MYO10: variants seen among roughly 807,000 people sequenced by gnomAD.
The protein encoded by MYO10 is myosin X.
A neutral mutation model predicts 257.3 loss-of-function variants in MYO10; 133 were observed. The ratio of observed to expected loss-of-function variants is 0.52; its 90% CI spans 0.45 to 0.60. The LOEUF (loss-of-function observed/expected upper bound fraction) is 0.60, where lower values mean the gene tolerates loss of function less well. MYO10 is among the 20% of genes least tolerant of loss of function. The probability of loss-of-function intolerance (pLI) is 0.00; values close to 1 mark genes in which losing one functional copy is unlikely to be tolerated. For synonymous variants in MYO10, 1,104 were observed against 1,028.6 expected (o/e 1.07, Z -1.40); for missense variants, 2,399 against 2,635.7 (o/e 0.91, Z 1.97).
intron 2 of MYO10, among the ~76,000 whole-genome samples, chr5:16,866,056 CACAA>C (rs1051273527): frequency 4.2e-5 from 6 of 144,328 alleles, no homozygotes; most frequent in African/African-American, 1.6e-4. Context: ...CACACACACA[CACAA>C]AACAATAGAG....
At chr5:16,716,951 A>C (rs527569485) in intron 19 of MYO10, among the ~76,000 whole-genome samples, 1 of 152,256 alleles carries the variant, frequency 6.6e-6, no homozygotes, top group African/African-American at 2.4e-5. Flanking sequence ...CTCCTGCCTG[A>C]GCCTCCCAAA....
At chr5:16,908,342 A>T (rs1284426096) in intron 1 of MYO10, among the ~76,000 whole-genome samples, 3 of 152,072 alleles carry the variant, frequency 2.0e-5, no homozygotes, top group Admixed American at 6.6e-5. Flanking sequence ...AGCCTGGCCA[A>T]TATGGTGAAA....
intron 2 of MYO10, among the ~76,000 whole-genome samples, chr5:16,855,422 T>C (rs1242915157): frequency 3.3e-5 from 5 of 152,164 alleles, no homozygotes; most frequent in Middle Eastern, 3.2e-3. Flanking sequence ...TATGACCTTT[T>C]GGTGGAGGGA....
chr5:16,763,873 A>T (rs1740792114), intron 12 of MYO10, 118 bp from the exon 13 acceptor site: 1 of 716,502 alleles, frequency 1.4e-6, no homozygotes, highest in Non-Finnish European at 2.4e-6. Context: ...TGTCTGGCAC[A>T]GTGGCTCACA....
At chr5:16,805,458 CAAAAAAAAAAAAA>C (rs36126574) in intron 3 of MYO10, among the ~76,000 whole-genome samples, 3 of 78,342 alleles carry the variant, frequency 3.8e-5, no homozygotes, top group African/African-American at 1.5e-4. Context: ...GACTCCATCT[CAAAAAAAAAAAAA>C]AAAAAAAAAG....
chr5:16,885,696 C>T (rs1014723044), intron 1 of MYO10, among the ~76,000 whole-genome samples: 4 of 151,434 alleles, frequency 2.6e-5, no homozygotes, highest in African/African-American at 9.7e-5. Flanking sequence ...AAAAAAACGG[C>T]GGGGGTTGGG....
Position 16,746,139 on chromosome 5 carries a change from T to C in MYO10, c.1929+8689A>G, listed in dbSNP as rs113592919. Among the ~76,000 whole-genome samples, 545 of 152,334 alleles carry C rather than the reference T, an allele frequency of 3.6e-3. 1 individual carries two copies. The highest frequency in any genetic ancestry group is 0.012 in the African/African-American group (514 of 41,578). On this transcript the variant is annotated intron_variant, in intron 19 of 40. Coordinates refer to ENST00000513610, the MANE Select transcript of MYO10 (RefSeq NM_012334.3). ...TGCTAAACAAGGGGTGCATTATTCATGCCTCCCCTTTTTAGACGATATAGG... is the reference window on the plus strand; with the variant it reads ...TGCTAAACAAGGGGTGCATTATTCACGCCTCCCCTTTTTAGACGATATAGG...
At chr5:16,668,564 T>G in intron 39 of MYO10, 96 bp from the exon 40 acceptor site, 1 of 985,210 alleles carries the variant, frequency 1.0e-6, no homozygotes, top group Non-Finnish European at 1.4e-6. Flanking sequence ...AAGTCCTCTG[T>G]GCAGAAGATT....
At chr5:16,720,391 T>C (rs1202132737) in intron 19 of MYO10, among the ~76,000 whole-genome samples, 3 of 152,192 alleles carry the variant, frequency 2.0e-5, no homozygotes, top group Non-Finnish European at 2.9e-5. Flanking sequence ...TGGTACTGCA[T>C]TCAAAATTTA....
intron 3 of MYO10, among the ~76,000 whole-genome samples, chr5:16,816,366 CTT>C (rs1264352329): frequency 7.1e-6 from 1 of 141,080 alleles, no homozygotes. Flanking sequence ...CAAATACACT[CTT>C]TTTTTTTTTA....
chr5:16,787,255 A>G (rs1164216922), intron 4 of MYO10, among the ~76,000 whole-genome samples: 2 of 152,178 alleles, frequency 1.3e-5, no homozygotes, highest in African/African-American at 4.8e-5. Context: ...TAATTCAGAT[A>G]GGACTCTACC....
rs561337229 is a variant in MYO10 at position 16,680,976 on chromosome 5, G to C, written c.4384+333C>G. Among the ~76,000 whole-genome samples, 12 of 152,298 alleles carry C rather than the reference G, an allele frequency of 7.9e-5. No individual in the cohort carries two copies. In the East Asian group the frequency reaches 1.7e-3, roughly 22 times the overall value. ...CCATTGCACTCCGGCCTGGGCAACA[G>C]TGTGAGACCCTGTCTCAAAAATGAG... On this transcript the variant is annotated intron_variant, in intron 32 of 40. Coordinates refer to ENST00000513610, the MANE Select transcript of MYO10 (RefSeq NM_012334.3).
rs553678679 is a variant in MYO10 at position 16,812,877 on chromosome 5, G to C, written c.279+5132C>G. 5.3e-5 allele frequency among the ~76,000 whole-genome samples: 8 copies of C among 151,736 alleles called. No individual in the cohort carries two copies. The East Asian group carries it at 1.4e-3, about 26-fold the overall frequency. On this transcript the variant is annotated intron_variant, in intron 3 of 40. Transcript: ENST00000513610. ...CAATACGGAGCCAAAGAGGAGGTTA[G>C]TGAAGAAAAGGGAAGATCAACTCTA...
chr5:16,929,686 A>T (rs1746243617), intron 1 of MYO10, among the ~76,000 whole-genome samples: 1 of 152,204 alleles, frequency 6.6e-6, no homozygotes, highest in African/African-American at 2.4e-5. Context: ...GGCACATGGT[A>T]AGTACAGTTG....
At chr5:16,682,072 T>A in intron 30 of MYO10, 59 bp from the exon 31 acceptor site, 1 of 1,568,508 alleles carries the variant, frequency 6.4e-7, no homozygotes, top group South Asian at 1.2e-5. Context: ...GCATCACCTC[T>A]GTGTGAACCG....
At chr5:16,934,558 G>C (rs975435046) in intron 1 of MYO10, among the ~76,000 whole-genome samples, 1 of 152,154 alleles carries the variant, frequency 6.6e-6, no homozygotes, top group Non-Finnish European at 1.5e-5. Flanking sequence ...GAAAATGCGA[G>C]CGTCTCACAA....
At chr5:16,717,527 G>T (rs1269482347) in intron 19 of MYO10, among the ~76,000 whole-genome samples, 1 of 152,168 alleles carries the variant, frequency 6.6e-6, no homozygotes, top group African/African-American at 2.4e-5. Flanking sequence ...ACATCGATAA[G>T]AAATCAGTTT....
At chr5:16,671,256 C>T (rs1736445858) in intron 38 of MYO10, among the ~76,000 whole-genome samples, 166 bp downstream of exon 38, 1 of 152,218 alleles carries the variant, frequency 6.6e-6, no homozygotes, top group African/African-American at 2.4e-5. Context: ...AAATGTGTAG[C>T]AGGTTTCATT....
At chr5:16,688,655 G>A (rs1275560516) in intron 28 of MYO10, among the ~76,000 whole-genome samples, 1 of 151,722 alleles carries the variant, frequency 6.6e-6, no homozygotes, top group East Asian at 1.9e-4. Context: ...CAGGAGAATT[G>A]CTTGAACCTG....
Sources: gnomAD v4.1 joint callset for allele counts (sites outside exome capture counted in the v4.1 genomes callset) on GRCh38, gnomAD v4.1.1 for gene constraint, MANE v1.5 for transcripts, NCBI Gene and HGNC (gene_info 2026-07-23, HGNC 2026-07-21) for gene names.